CUL3: variants seen among roughly 807,000 people sequenced by gnomAD.
CUL3 encodes cullin 3, also known as cullin-3.
In CUL3, 19 loss-of-function variants were observed where a neutral mutation model predicts 89.1. The ratio of observed to expected loss-of-function variants is 0.21; its 90% CI spans 0.15 to 0.31. The LOEUF (loss-of-function observed/expected upper bound fraction) is 0.31. CUL3 is among the 10% of genes least tolerant of loss of function. The pLI is 1.00. For synonymous variants in CUL3, 351 were observed against 308.4 expected, an observed-to-expected ratio of 1.14 and a Z score of -1.45; for missense variants, 469 against 942.3, an observed-to-expected ratio of 0.50 and a Z score of 6.58.
intron 12 of CUL3, among the ~76,000 whole-genome samples, chr2:224,496,385 C>T (rs575418482): frequency 3.9e-5 from 6 of 152,300 alleles, no homozygotes; most frequent in East Asian, 1.9e-4. Flanking sequence ...AATCTCCATC[C>T]TCCCCCAACA....
At chr2:224,570,002 A>C (rs1441910785) in intron 1 of CUL3, among the ~76,000 whole-genome samples, 1 of 150,984 alleles carries the variant, frequency 6.6e-6, no homozygotes, top group East Asian at 1.9e-4. Context: ...CATCTGAGGA[A>C]TGGCAGTATT....
intron 6 of CUL3, among the ~76,000 whole-genome samples, chr2:224,507,317 T>C (rs914774304): frequency 1.3e-5 from 2 of 152,114 alleles, no homozygotes; most frequent in Non-Finnish European, 2.9e-5. Flanking sequence ...CACAAAAACA[T>C]GGCAACTGCA....
At chr2:224,522,624 G>A (rs1462457448) in intron 3 of CUL3, among the ~76,000 whole-genome samples, 1 of 152,022 alleles carries the variant, frequency 6.6e-6, no homozygotes, top group African/African-American at 2.4e-5. Context: ...TCAGGAGATC[G>A]AGACCATCCT....
At chr2:224,557,883 C>CCA in intron 1 of CUL3, 27 bp from the exon 2 acceptor site, 1 of 110,388 alleles carries the variant, frequency 9.1e-6, no homozygotes, top group Non-Finnish European at 1.6e-5. Context: ...AGAGAAGAGA[C>CCA]AAAAAAAAAA....
chr2:224,478,456 G>A lies in CUL3; in HGVS notation c.2030-111C>T, dbSNP rs116003121. The A allele has an allele frequency of 9.0e-4, 801 of 890,162 alleles. 5 individuals are homozygous for A. In the African/African-American group the frequency reaches 0.012, roughly 14 times the overall value. 55.1% of individuals were successfully genotyped at this position (890,162 alleles called of 1,614,324 possible). ...CAGATAAAAACCAATTTCAGCCTCTGAATATACACACTTATTAATTCAAGT... is the reference window on the plus strand; with the variant it reads ...CAGATAAAAACCAATTTCAGCCTCTAAATATACACACTTATTAATTCAAGT... On this transcript the variant is annotated intron_variant, in intron 14 of 15. Coordinates refer to ENST00000264414, the MANE Select transcript of CUL3 (RefSeq NM_003590.5).
intron 1 of CUL3, among the ~76,000 whole-genome samples, chr2:224,580,976 T>C (rs762775142): frequency 6.6e-6 from 1 of 152,126 alleles, no homozygotes; most frequent in Non-Finnish European, 1.5e-5. Context: ...GGATACAAGT[T>C]TTAAGATGAA....
At chr2:224,498,540 C>A (rs1181987090) in intron 11 of CUL3, among the ~76,000 whole-genome samples, 1 of 152,152 alleles carries the variant, frequency 6.6e-6, no homozygotes, top group African/African-American at 2.4e-5. Context: ...AGGGAAAAAA[C>A]CCAACATTTC....
In CUL3 at chr2:224,478,080, A is replaced by T. The variant is rs2106141705; in HGVS notation, c.2175+120T>A. 3.1e-6 allele frequency: 3 copies of T among 978,004 alleles called. No homozygotes were observed. In the East Asian group the frequency reaches 8.0e-5, roughly 26 times the overall value. 60.6% of individuals were successfully genotyped at this position (978,004 alleles called of 1,614,324 possible). A position where few individuals can be genotyped will look rare whatever the true frequency, so the allele number is the denominator to read the frequency against. On this transcript the variant is annotated intron_variant, in intron 15 of 15. Transcript: ENST00000264414. ...CCAAGTGAGTGCCATACATTTCATA[A>T]GTGTTACATCACTAGGATTTCTTAA...
intron 3 of CUL3, among the ~76,000 whole-genome samples, chr2:224,519,402 C>T (rs2106233675): frequency 6.6e-6 from 1 of 152,220 alleles, no homozygotes; most frequent in Middle Eastern, 3.4e-3. Flanking sequence ...CAACCTGAAG[C>T]TGGAAGGTGT....
chr2:224,542,556 C>CGTGTGTGT lies in CUL3; in HGVS notation c.265-6923_265-6916dup, dbSNP rs35806786. 2.1e-3 allele frequency among the ~76,000 whole-genome samples: 313 copies of CGTGTGTGT among 150,482 alleles called. 4 individuals are homozygous for CGTGTGTGT. The highest frequency in any genetic ancestry group is 6.9e-3 in the African/African-American group (281 of 40,906). ...CAGCACTTCTGGCTGTGTGCGTGTG[C>CGTGTGTGT]GTGTGTGTGTGTGTGCGCGCGCGCA... On this transcript the variant is annotated intron_variant, in intron 2 of 15. Transcript: ENST00000264414.
intron 10 of CUL3, among the ~76,000 whole-genome samples, chr2:224,501,654 CTG>C (rs1173994540): frequency 1.3e-5 from 2 of 152,084 alleles, no homozygotes; most frequent in Admixed American, 6.6e-5. Flanking sequence ...TTTAAGGAAA[CTG>C]AAAATAAACT....
intron 1 of CUL3, among the ~76,000 whole-genome samples, chr2:224,583,592 A>C (rs2106329789): frequency 6.6e-6 from 1 of 152,314 alleles, no homozygotes; most frequent in East Asian, 1.9e-4. Flanking sequence ...AAAAATCTTT[A>C]ATTATTATCA....
intron 2 of CUL3, among the ~76,000 whole-genome samples, chr2:224,557,270 T>C (rs1390422258): frequency 6.6e-6 from 1 of 152,132 alleles, no homozygotes; most frequent in Non-Finnish European, 1.5e-5. Context: ...TAGTGATCCA[T>C]CTTAGAAATA....
intron 3 of CUL3, among the ~76,000 whole-genome samples, chr2:224,525,324 T>C (rs1302192957): frequency 6.6e-6 from 1 of 152,200 alleles, no homozygotes; most frequent in Non-Finnish European, 1.5e-5. Flanking sequence ...TTCAAAGGCT[T>C]AAATCCAATG....
intron 1 of CUL3, among the ~76,000 whole-genome samples, chr2:224,583,679 T>C (rs115511659): frequency 0.016 from 2,455 of 152,380 alleles, 70 homozygotes; most frequent in African/African-American, 0.056. Context: ...TTAGTATTTA[T>C]GTTCTTACAA....
At chr2:224,528,522 T>G (rs758736814) in intron 3 of CUL3, among the ~76,000 whole-genome samples, 2 of 151,516 alleles carry the variant, frequency 1.3e-5, no homozygotes, top group Non-Finnish European at 2.9e-5. Context: ...GTCATGGACA[T>G]ATTTCGGGAT....
At chr2:224,550,918 G>A (rs1694489290) in intron 2 of CUL3, among the ~76,000 whole-genome samples, 1 of 152,060 alleles carries the variant, frequency 6.6e-6, no homozygotes, top group African/African-American at 2.4e-5. Context: ...CTTCTGCCAT[G>A]GCTTCAAGGT....
chr2:224,575,202 T>A (rs6717545), intron 1 of CUL3, among the ~76,000 whole-genome samples: 113,912 of 151,694 alleles, frequency 0.75, 43,339 homozygotes, highest in African/African-American at 0.89. Flanking sequence ...AAGAGCAATT[T>A]GAGAATTCTC....
intron 2 of CUL3, among the ~76,000 whole-genome samples, chr2:224,545,070 T>C (rs1245359410): frequency 2.0e-5 from 3 of 152,184 alleles, no homozygotes; most frequent in African/African-American, 7.2e-5. Flanking sequence ...CTAATATAAA[T>C]TTGGTTAACA....
Sources: allele counts gnomAD v4.1 joint callset (sites outside exome capture counted in the v4.1 genomes callset), GRCh38; gene constraint gnomAD v4.1.1; transcripts MANE v1.5; gene names NCBI Gene and HGNC (gene_info 2026-07-23, HGNC 2026-07-21).